The following DRD3 variants were observed in gnomAD, a reference collection of about 807,000 sequenced individuals.
DRD3 encodes the protein dopamine receptor D3.
In DRD3, 19 loss-of-function variants were observed where a neutral mutation model predicts 36.3. The ratio of observed to expected loss-of-function variants is 0.52; its 90% CI spans 0.36 to 0.77. The LOEUF (loss-of-function observed/expected upper bound fraction) is 0.77, where lower values mean the gene tolerates loss of function less well. Ranked by LOEUF, DRD3 falls within the 30% of genes least tolerant of loss-of-function variation. DRD3 has a pLI of 0.00. For missense variants in DRD3, 465 were observed against 505.3 expected (o/e 0.92, Z 0.77); for synonymous variants, 195 against 203.7 (o/e 0.96, Z 0.36).
chr3:114,158,952 CT>C (rs1461789632), intron 3 of DRD3, among the ~76,000 whole-genome samples: 1 of 152,006 alleles, frequency 6.6e-6, no homozygotes, highest in Non-Finnish European at 1.5e-5. Flanking sequence ...CCCCAGGGCT[CT>C]CAGTGAGGCT....
intron 3 of DRD3, among the ~76,000 whole-genome samples, chr3:114,158,027 G>A (rs568656723): frequency 2.1e-3 from 322 of 152,138 alleles, no homozygotes; most frequent in South Asian, 0.011. Context: ...ACTTGAACCC[G>A]GGAGGTGGAG....
chr3:114,193,498 C>G (rs1466825479), intron 1 of DRD3, among the ~76,000 whole-genome samples: 2 of 152,196 alleles, frequency 1.3e-5, no homozygotes, highest in African/African-American at 4.8e-5. Flanking sequence ...TGAAGGCTCC[C>G]TCTCCCTGCT....
chr3:114,153,513 T>C (rs1194038952), intron 3 of DRD3, among the ~76,000 whole-genome samples: 1 of 152,234 alleles, frequency 6.6e-6, no homozygotes, highest in Admixed American at 6.5e-5. Flanking sequence ...TTTACGAATA[T>C]TAATTCATTT....
At chr3:114,176,459 G>C (rs1285811278) in intron 1 of DRD3, among the ~76,000 whole-genome samples, 1 of 152,054 alleles carries the variant, frequency 6.6e-6, no homozygotes, top group East Asian at 1.9e-4. Flanking sequence ...AGAAAAATTA[G>C]CTGCGTGTGA....
intron 5 of DRD3, among the ~76,000 whole-genome samples, chr3:114,133,819 G>C (rs9825085): frequency 0.97 from 147,786 of 152,272 alleles, 71,874 homozygotes; most frequent in East Asian, 1. Flanking sequence ...ATTACTGATG[G>C]CATAAAAGCC....
chr3:114,149,468 C>T (rs961094913), intron 3 of DRD3, among the ~76,000 whole-genome samples: 2 of 152,206 alleles, frequency 1.3e-5, no homozygotes, highest in African/African-American at 4.8e-5. Context: ...TTCATCACGT[C>T]TCCCCATCTC....
intron 4 of DRD3, among the ~76,000 whole-genome samples, chr3:114,146,524 C>A (rs2077571159): frequency 6.6e-6 from 1 of 151,800 alleles, no homozygotes; most frequent in South Asian, 2.1e-4. Flanking sequence ...TTGAGACCAG[C>A]CTGGCCAACA....
At chr3:114,147,580 G>A (rs2077580397) in intron 3 of DRD3, 23 bp from the exon 4 acceptor site, 26 of 1,600,514 alleles carry the variant, frequency 1.6e-5, no homozygotes, top group Non-Finnish European at 2.2e-5. Flanking sequence ...GGGGAGAGGG[G>A]ATAGGCATGG....
At chr3:114,148,488 G>GT (rs952447156) in intron 3 of DRD3, among the ~76,000 whole-genome samples, 15 of 151,766 alleles carry the variant, frequency 9.9e-5, no homozygotes, top group African/African-American at 1.2e-4. Context: ...ACATCTTTGT[G>GT]TTTTTTTTGT....
upstream of DRD3, among the ~76,000 whole-genome samples, chr3:114,181,640 T>A (rs1284385994): frequency 1.3e-5 from 2 of 152,206 alleles, no homozygotes; most frequent in African/African-American, 2.4e-5. Flanking sequence ...GCTGGAACAT[T>A]CTCATGTACT....
intron 4 of DRD3, among the ~76,000 whole-genome samples, chr3:114,145,947 T>A (rs1178813534): frequency 6.6e-6 from 1 of 152,204 alleles, no homozygotes; most frequent in Non-Finnish European, 1.5e-5. Context: ...CACTCAAGTG[T>A]ATGCTCCACT....
intron 4 of DRD3, among the ~76,000 whole-genome samples, chr3:114,146,370 G>T (rs1397343022): frequency 6.6e-6 from 1 of 152,122 alleles, no homozygotes; most frequent in Admixed American, 6.5e-5. Context: ...AGTGTATATT[G>T]TCAATACCCA....
At chr3:114,193,500 C>T (rs2078022633) in intron 1 of DRD3, among the ~76,000 whole-genome samples, 1 of 152,200 alleles carries the variant, frequency 6.6e-6, no homozygotes, top group Non-Finnish European at 1.5e-5. Flanking sequence ...AAGGCTCCCT[C>T]TCCCTGCTTC....
At chr3:114,174,867 A>G (rs1386140955) in intron 1 of DRD3, among the ~76,000 whole-genome samples, 1 of 152,112 alleles carries the variant, frequency 6.6e-6, no homozygotes, top group Non-Finnish European at 1.5e-5. Flanking sequence ...TCAGGTAAGA[A>G]GAAGCAAAGA....
chr3:114,153,312 C>T (rs1391788307), intron 3 of DRD3, among the ~76,000 whole-genome samples: 1 of 151,354 alleles, frequency 6.6e-6, no homozygotes, highest in Non-Finnish European at 1.5e-5. Flanking sequence ...ACTAAACATT[C>T]AAAAGACGGT....
Position 114,188,222 on chromosome 3 carries a change from T to A in DRD3, c.-155-9446A>T, listed in dbSNP as rs200904437. 1.1e-3 allele frequency among the ~76,000 whole-genome samples: 168 copies of A among 147,324 alleles called. 5 individuals carry two copies. The South Asian group carries it at 0.024, about 21-fold the overall frequency. Reference sequence around the variant, plus strand: ...TTTCTTTTTTTCCCTTTTTTTTTTTTTTTTTTTTTGAGATGGAGTCTCTCT... The same window carrying A: ...TTTCTTTTTTTCCCTTTTTTTTTTTATTTTTTTTTGAGATGGAGTCTCTCT... On this transcript the variant is annotated intron_variant, in intron 1 of 7. Transcript: ENST00000460779.
At chr3:114,195,142 T>C (rs1219135915) in intron 1 of DRD3, among the ~76,000 whole-genome samples, 1 of 152,194 alleles carries the variant, frequency 6.6e-6, no homozygotes, top group Non-Finnish European at 1.5e-5. Context: ...TGGATGAAGA[T>C]GGGAGCCATG....
At chr3:114,164,220 C>CAAAAAAAAAAAAAAAAAAAAAAAA (rs34500434) in intron 2 of DRD3, among the ~76,000 whole-genome samples, 4 of 17,776 alleles carry the variant, frequency 2.3e-4, no homozygotes, top group Non-Finnish European at 2.7e-4. Context: ...GCCTCAGTCT[C>CAAAAAAAAAAAAAAAAAAAAAAAA]AAAAAAAAAA....
At chr3:114,182,118 A>G (rs1163586744), upstream of DRD3, among the ~76,000 whole-genome samples, 1 of 152,226 alleles carries the variant, frequency 6.6e-6, no homozygotes, top group Non-Finnish European at 1.5e-5. Flanking sequence ...CACTGGAATC[A>G]GACCTCAAGT....
Sources: gnomAD v4.1 joint callset for allele counts (sites outside exome capture counted in the v4.1 genomes callset) on GRCh38, gnomAD v4.1.1 for gene constraint, MANE v1.5 for transcripts, NCBI Gene and HGNC (gene_info 2026-07-23, HGNC 2026-07-21) for gene names.